Variants in ATG10 observed in about 807,000 individuals in gnomAD.
The protein encoded by ATG10 is autophagy related 10.
A neutral mutation model predicts 32.1 loss-of-function variants in ATG10; 30 were observed. That is an observed-to-expected ratio of 0.94 (90% CI 0.70 to 1.27). The LOEUF is 1.27. Ranked by LOEUF, ATG10 falls within the 50% of genes most tolerant of loss-of-function variation. The probability of loss-of-function intolerance (pLI) is 0.00; values close to 1 mark genes in which losing one functional copy is unlikely to be tolerated. For synonymous variants in ATG10, 87 were observed against 91.5 expected (o/e 0.95, Z 0.28); for missense variants, 233 against 262.3 (o/e 0.89, Z 0.77).
intron 3 of ATG10, among the ~76,000 whole-genome samples, chr5:82,103,609 G>A (rs1581693093): frequency 6.6e-6 from 1 of 152,032 alleles, no homozygotes; most frequent in Non-Finnish European, 1.5e-5. Context: ...AGTTATGAAT[G>A]TATGCCTTGG....
At chr5:82,193,691 G>A (rs939141340) in intron 5 of ATG10, among the ~76,000 whole-genome samples, 5 of 152,184 alleles carry the variant, frequency 3.3e-5, no homozygotes, top group African/African-American at 1.2e-4. Flanking sequence ...AAGTTTAAGG[G>A]TGAGTTCTAT....
chr5:82,050,164 G>C (rs1329768333), intron 2 of ATG10, among the ~76,000 whole-genome samples: 1 of 151,870 alleles, frequency 6.6e-6, no homozygotes, highest in Non-Finnish European at 1.5e-5. Context: ...TTCTTTGTAA[G>C]CATATACAGA....
At chr5:82,047,659 C>T (rs1763273216) in intron 2 of ATG10, among the ~76,000 whole-genome samples, 1 of 152,106 alleles carries the variant, frequency 6.6e-6, no homozygotes, top group Admixed American at 6.5e-5. Context: ...TTCCTCGGGG[C>T]CTCTGTCCTT....
intron 3 of ATG10, among the ~76,000 whole-genome samples, chr5:82,077,594 C>T (rs1764321148): frequency 6.6e-6 from 1 of 151,678 alleles, no homozygotes; most frequent in Non-Finnish European, 1.5e-5. Flanking sequence ...CAGAACTCAA[C>T]TGCTTCTATT....
chr5:82,118,348 TATATACATATATATACAA>T, intron 3 of ATG10, among the ~76,000 whole-genome samples: 1 of 137,722 alleles, frequency 7.3e-6, no homozygotes, highest in Non-Finnish European at 1.5e-5. Context: ...ATACATATAA[TATATACATATATATACAA>T]ATATACATAT....
chr5:81,974,851 T>G (rs185523563), intron 1 of ATG10, among the ~76,000 whole-genome samples: 22 of 152,246 alleles, frequency 1.4e-4, no homozygotes, highest in Admixed American at 2.6e-4. Context: ...CAATCTATAC[T>G]CTCCATTCAG....
intron 5 of ATG10, among the ~76,000 whole-genome samples, chr5:82,192,448 G>A (rs1744700167): frequency 1.3e-5 from 2 of 152,186 alleles, no homozygotes; most frequent in Non-Finnish European, 2.9e-5. Flanking sequence ...TTGACCCAAA[G>A]AGAGTTTCTT....
chr5:82,112,086 C>T (rs1765638226), intron 3 of ATG10, among the ~76,000 whole-genome samples: 1 of 151,834 alleles, frequency 6.6e-6, no homozygotes, highest in Non-Finnish European at 1.5e-5. Context: ...TAAGTAGTTA[C>T]ATATGTTGGG....
intron 2 of ATG10, among the ~76,000 whole-genome samples, chr5:82,011,641 T>C (rs529920729): frequency 1.3e-5 from 2 of 152,366 alleles, no homozygotes; most frequent in East Asian, 3.9e-4. Context: ...TGATGATTGG[T>C]CAGAGGTTAT....
intron 3 of ATG10, among the ~76,000 whole-genome samples, chr5:82,127,493 CATTGGTTTCAAAGAACTA>C (rs1766327041): frequency 6.6e-6 from 1 of 152,124 alleles, no homozygotes; most frequent in African/African-American, 2.4e-5. Context: ...TCTTTGTTCT[CATTGGTTTCAAAGAACTA>C]ATTTATTTGT....
chr5:81,983,483 CGG>C, intron 1 of ATG10, among the ~76,000 whole-genome samples: 1 of 142,644 alleles, frequency 7.0e-6, no homozygotes, highest in South Asian at 2.3e-4. Flanking sequence ...ACCTCCCTCC[CGG>C]ACGGGGCAGC....
At chr5:82,199,211 G>A (rs1160917451) in intron 5 of ATG10, among the ~76,000 whole-genome samples, 1 of 152,142 alleles carries the variant, frequency 6.6e-6, no homozygotes, top group Non-Finnish European at 1.5e-5. Context: ...CATTTTCCTG[G>A]ATACATATTT....
chr5:81,979,781 C>A (rs1267272350), intron 1 of ATG10, among the ~76,000 whole-genome samples: 1 of 141,456 alleles, frequency 7.1e-6, no homozygotes, highest in Non-Finnish European at 1.5e-5. Context: ...AAGTTTCTTT[C>A]CAGCAGCTTT....
intron 2 of ATG10, among the ~76,000 whole-genome samples, chr5:82,006,877 C>T (rs1761998769): frequency 2.0e-5 from 3 of 152,056 alleles, no homozygotes; most frequent in Admixed American, 6.6e-5. Flanking sequence ...TTTTTTGAGA[C>T]AGAGTCTCGC....
intron 2 of ATG10, among the ~76,000 whole-genome samples, chr5:82,022,017 T>C (rs531829479): frequency 2.1e-3 from 241 of 114,724 alleles, no homozygotes; most frequent in Non-Finnish European, 3.4e-3. Context: ...AGTGAGACGC[T>C]GTCTCAAAAA....
chr5:82,066,336 G>A (rs1447130788), intron 3 of ATG10, among the ~76,000 whole-genome samples: 1 of 152,054 alleles, frequency 6.6e-6, no homozygotes, highest in Admixed American at 6.6e-5. Flanking sequence ...GATTACTGTA[G>A]TTCCTCATCC....
Position 82,042,398 on chromosome 5 carries a change from G to A in ATG10, c.109-16097G>A, listed in dbSNP as rs113892205. On this transcript the variant is annotated intron_variant, in intron 2 of 7. Coordinates refer to ENST00000282185, the MANE Select transcript of ATG10 (RefSeq NM_031482.5). ...TCTTACCAGGCCCCTCCTACAATTC[G>A]ACATGAGATTTGGGCGGGGATACAA... Among the ~76,000 whole-genome samples the A allele has an allele frequency of 5.8e-3, 885 of 152,144 alleles. 7 individuals are homozygous for A. The highest frequency in any genetic ancestry group is 0.02 in the African/African-American group (829 of 41,500).
At chr5:82,185,520 T>G (rs1342370528) in intron 5 of ATG10, among the ~76,000 whole-genome samples, 1 of 152,192 alleles carries the variant, frequency 6.6e-6, no homozygotes, top group East Asian at 1.9e-4. Flanking sequence ...CAAATACCAC[T>G]GAGTTCCTTT....
chr5:82,203,755 G>T (rs1745173273), intron 5 of ATG10, among the ~76,000 whole-genome samples: 1 of 151,756 alleles, frequency 6.6e-6, no homozygotes, highest in South Asian at 2.1e-4. Flanking sequence ...TTCCTCTTAT[G>T]ACATTCTGCT....
Sources: allele counts gnomAD v4.1 joint callset (sites outside exome capture counted in the v4.1 genomes callset), GRCh38; gene constraint gnomAD v4.1.1; transcripts MANE v1.5; gene names NCBI Gene and HGNC (gene_info 2026-07-23, HGNC 2026-07-21).